MTUS1: variants seen among roughly 807,000 people sequenced by gnomAD.
MTUS1 encodes the protein microtubule-associated tumor suppressor 1.
In MTUS1, 109 loss-of-function variants were observed where a neutral mutation model predicts 120.8. That is an observed-to-expected ratio of 0.90 (90% CI 0.77 to 1.06). The LOEUF (loss-of-function observed/expected upper bound fraction) is 1.06. Among genes scored for constraint, MTUS1 ranks in the 50% least tolerant of loss-of-function variants. The pLI, the probability that MTUS1 is intolerant of heterozygous loss-of-function variation, is 0.00. For synonymous variants in MTUS1, 737 were observed against 550.5 expected, an observed-to-expected ratio of 1.34 and a Z score of -4.74; for missense variants, 2,210 against 1,486.3, an observed-to-expected ratio of 1.49 and a Z score of -8.01.
chr8:17,648,512 T>C (rs1216311923), intron 13 of MTUS1, among the ~76,000 whole-genome samples: 25 of 152,360 alleles, frequency 1.6e-4, no homozygotes, highest in Non-Finnish European at 3.5e-4. Flanking sequence ...GATTAGAAGA[T>C]ACCAGACTCA....
In MTUS1 at chr8:17,645,585, A is replaced by C; in HGVS notation, c.*341T>G. 1.0e-5 allele frequency: 2 copies of C among 198,380 alleles called. No homozygotes were observed. The highest frequency in any genetic ancestry group is 2.0e-5 in the Non-Finnish European group (2 of 97,974). The allele number at this position is 198,380 out of a possible 1,614,324, so 12.3% of individuals were successfully genotyped here. A position where few individuals can be genotyped will look rare whatever the true frequency, so the allele number is the denominator to read the frequency against. On this transcript the variant is annotated 3_prime_UTR_variant, in exon 15 of 15. Coordinates refer to ENST00000693296, the MANE Select transcript of MTUS1 (RefSeq NM_001363059.2). ...GGTGAAGAACATTACAAAGGTTATA[A>C]ATCTTAATAGGGCCCTGAGAGTTTT...
intron 1 of MTUS1, among the ~76,000 whole-genome samples, chr8:17,772,330 C>T (rs2050080768): frequency 1.3e-5 from 2 of 152,064 alleles, no homozygotes; most frequent in African/African-American, 4.8e-5. Context: ...ACTTTGTGTC[C>T]CAAAGCTACA....
intron 9 of MTUS1, among the ~76,000 whole-genome samples, chr8:17,655,212 G>C (rs1807942208): frequency 6.7e-6 from 1 of 150,160 alleles, no homozygotes; most frequent in Non-Finnish European, 1.5e-5. Context: ...GAGTTAAAAA[G>C]GGAGCTACAA....
intron 6 of MTUS1, among the ~76,000 whole-genome samples, chr8:17,687,994 C>G (rs1816178304): frequency 6.6e-6 from 1 of 152,186 alleles, no homozygotes; most frequent in South Asian, 2.1e-4. Flanking sequence ...AAGACATGGA[C>G]TAACCGTAAC....
chr8:17,648,334 C>T (rs17689783), intron 13 of MTUS1, among the ~76,000 whole-genome samples: 7,557 of 152,206 alleles, frequency 0.05, 359 homozygotes, highest in East Asian at 0.24. Context: ...ATCAGGATAC[C>T]TCTGGGGCAT....
intron 1 of MTUS1, among the ~76,000 whole-genome samples, chr8:17,785,828 G>A (rs1265995064): frequency 6.6e-6 from 1 of 152,150 alleles, no homozygotes; most frequent in Admixed American, 6.6e-5. Flanking sequence ...ACCAAGGGAA[G>A]TACTGAGAGG....
At chr8:17,713,315 AC>A in intron 5 of MTUS1, 63 bp from the exon 6 acceptor site, 1 of 943,814 alleles carries the variant, frequency 1.1e-6, no homozygotes, top group Non-Finnish European at 1.7e-6. Flanking sequence ...ATAAAAACAA[AC>A]CATGTTGATA....
rs1157144131 is a variant in MTUS1 at position 17,760,801 on chromosome 8, G to A, written c.-154-4840C>T. Among the ~76,000 whole-genome samples the A allele has an allele frequency of 2.4e-5, 3 of 124,766 alleles. No homozygotes were observed. In the East Asian group the frequency reaches 8.9e-4, roughly 37 times the overall value. The allele number at this position is 124,766 out of a possible 152,430, so 81.9% of individuals were successfully genotyped here. On this transcript the variant is annotated intron_variant, in intron 1 of 14. Transcript: ENST00000693296. ...AAAATAAAAAGACAGAGAGTGTGCTGGAGGGAAAAAAAAAAAAAAAACTTG... is the reference window on the plus strand; with the variant it reads ...AAAATAAAAAGACAGAGAGTGTGCTAGAGGGAAAAAAAAAAAAAAAACTTG...
chr8:17,647,034 G>A lies in MTUS1; in HGVS notation c.3547C>T (p.Gln1183Ter), dbSNP rs1805956400. 1 of 1,613,716 alleles carries A rather than the reference G, an allele frequency of 6.2e-7. No individual in the cohort carries two copies. The highest frequency in any genetic ancestry group is 1.3e-5 in the African/African-American group (1 of 74,790). The stretch of plus-strand genomic sequence containing the variant: ...CGAGCTTTCAATTCTTCATTCTCCT[G>A]CTGGAAACGCTTCAATTTGTCAACC... ...ALVDKLKRFQQENEELKARMD... is the reference protein window; with the variant it reads ...ALVDKLKRFQ Residue 1183 changes from glutamine (Q) to a stop codon, truncating the protein, a stop_gained, in exon 14 of 15, where the codon CAG becomes TAG. Coordinates refer to ENST00000693296, the MANE Select transcript of MTUS1 (RefSeq NM_001363059.2). LOFTEE classifies it high-confidence loss of function.
intron 8 of MTUS1, among the ~76,000 whole-genome samples, chr8:17,657,758 T>C (rs1043591593): frequency 2.1e-5 from 3 of 141,038 alleles, no homozygotes; most frequent in African/African-American, 5.3e-5. Flanking sequence ...GCTCAGGAGA[T>C]TGAGGCTGCA....
intron 4 of MTUS1, chr8:17,722,342 G>C (rs966650266): frequency 1.0e-6 from 1 of 967,498 alleles, no homozygotes; most frequent in African/African-American, 1.8e-5. Flanking sequence ...GAGCATGTTG[G>C]TGATTCTGTT....
intron 7 of MTUS1, chr8:17,676,129 C>A: frequency 1.6e-6 from 1 of 628,594 alleles, no homozygotes; most frequent in South Asian, 1.8e-5. Flanking sequence ...CCACCACATC[C>A]TGATCACAGC....
intron 2 of MTUS1, among the ~76,000 whole-genome samples, chr8:17,744,238 C>G (rs937505954): frequency 2.6e-4 from 40 of 152,038 alleles, no homozygotes; most frequent in African/African-American, 9.2e-4. Context: ...TCTTTGGTCC[C>G]AAAGAAATTA....
intron 12 of MTUS1, among the ~76,000 whole-genome samples, chr8:17,652,273 G>A (rs917212924): frequency 6.6e-6 from 1 of 152,150 alleles, no homozygotes; most frequent in African/African-American, 2.4e-5. Flanking sequence ...TTTCAGAATT[G>A]ACATTTATCC....
intron 3 of MTUS1, among the ~76,000 whole-genome samples, chr8:17,741,928 A>G (rs1288898326): frequency 2.0e-5 from 3 of 152,162 alleles, no homozygotes; most frequent in Admixed American, 6.5e-5. Flanking sequence ...CAGGCAGCGT[A>G]TTGGGGCCAG....
chr8:17,669,913 C>T (rs1474368528), intron 8 of MTUS1, among the ~76,000 whole-genome samples: 1 of 152,184 alleles, frequency 6.6e-6, no homozygotes, highest in Non-Finnish European at 1.5e-5. Flanking sequence ...CAGATCCTGG[C>T]CGCAAGTGGA....
At chr8:17,649,243 G>C (rs970946743) in intron 13 of MTUS1, among the ~76,000 whole-genome samples, 2 of 152,008 alleles carry the variant, frequency 1.3e-5, no homozygotes, top group African/African-American at 4.8e-5. Context: ...TTTTAGTAGA[G>C]ACAGGGTTTC....
intron 1 of MTUS1, among the ~76,000 whole-genome samples, chr8:17,768,380 T>C (rs1050045599): frequency 2.4e-4 from 37 of 152,222 alleles, no homozygotes; most frequent in Non-Finnish European, 1.0e-4. Context: ...TGGGTTAAAA[T>C]GAATAATTTA....
At chr8:17,665,598 C>T (rs577138898) in intron 8 of MTUS1, among the ~76,000 whole-genome samples, 3 of 152,204 alleles carry the variant, frequency 2.0e-5, no homozygotes, top group South Asian at 4.2e-4. Flanking sequence ...GGGCATCAAG[C>T]GATCTGTCCA....
Sources: allele counts gnomAD v4.1 joint callset (sites outside exome capture counted in the v4.1 genomes callset), GRCh38; gene constraint gnomAD v4.1.1; transcripts MANE v1.5; gene names NCBI Gene and HGNC (gene_info 2026-07-23, HGNC 2026-07-21).